GCN1: variants seen among roughly 807,000 people sequenced by gnomAD.
The protein encoded by GCN1 is stalled ribosome sensor GCN1.
In GCN1, 90 loss-of-function variants were observed where a neutral mutation model predicts 288.4. The ratio of observed to expected loss-of-function variants is 0.31; its 90% CI spans 0.26 to 0.37. The LOEUF is 0.37. Ranked by LOEUF, GCN1 falls within the 10% of genes least tolerant of loss-of-function variation. The pLI is 1.00. For synonymous variants in GCN1, 1,386 were observed against 1,420.2 expected (o/e 0.98, Z 0.54); for missense variants, 2,586 against 3,419.9 (o/e 0.76, Z 6.08).
At chr12:120,175,971 T>C in intron 10 of GCN1, 97 bp from the exon 11 acceptor site, 1 of 1,464,790 alleles carries the variant, frequency 6.8e-7, no homozygotes, top group Non-Finnish European at 9.4e-7. Flanking sequence ...CAGTATTAGC[T>C]GTTTGCTCTC....
In GCN1 at chr12:120,164,381, C is replaced by T. The variant is rs775681296; in HGVS notation, c.1803G>A (p.Ala601=). ...TCTTCAGCTCCTCCAAGAGTCCGTG[C>T]GCCAGCTTAAAGCCCCCAAGAGAGG... is the stretch of plus-strand genomic sequence containing the variant. The part of the protein sequence containing the change: ...LLSSLGGFKL[A]HGLLEELKTV... Residue 601 remains alanine (A), a synonymous_variant, in exon 18 of 58, where the codon GCG becomes GCA. Transcript: ENST00000300648. 1.1e-5 allele frequency: 18 copies of T among 1,614,068 alleles called. No individual in the cohort carries two copies. Among genetic ancestry groups the T allele is most frequent in the Middle Eastern group, 1.6e-4 (1 of 6,084 alleles).
intron 37 of GCN1, 107 bp downstream of exon 37, chr12:120,148,060 C>T: frequency 1.3e-6 from 1 of 757,624 alleles, no homozygotes; most frequent in Non-Finnish European, 2.2e-6. Flanking sequence ...ACATATTTGT[C>T]CTCGGAGGCA....
In GCN1 at chr12:120,137,169, G is replaced by T; in HGVS notation, c.6777+37C>A. 2 of 1,449,576 alleles carry T rather than the reference G, an allele frequency of 1.4e-6. No individual in the cohort carries two copies. The highest frequency in any genetic ancestry group is 1.9e-6 in the Non-Finnish European group (2 of 1,030,992). The allele number at this position is 1,449,576 out of a possible 1,614,324, so 89.8% of individuals were successfully genotyped here. A position where few individuals can be genotyped will look rare whatever the true frequency, so the allele number is the denominator to read the frequency against. On this transcript the variant is annotated intron_variant, in intron 50 of 57. Coordinates refer to ENST00000300648, the MANE Select transcript of GCN1 (RefSeq NM_006836.2). This position sits in a 1 kb window ranked among gnomAD's most constrained non-coding sequence, Gnocchi z 5.2. ...AAGGGCCAGAAGGGCACAACAGACT[G>T]CACGCCCACAGCCCCCTGCACGAGG...
chr12:120,164,578 C>A (rs1449927683), intron 17 of GCN1, 68 bp downstream of exon 17: 1 of 1,597,116 alleles, frequency 6.3e-7, no homozygotes, highest in Non-Finnish European at 8.6e-7. Context: ...GCCACACACC[C>A]TTTCTCGGGT....
chr12:120,144,810 C>CA lies in GCN1; in HGVS notation c.5180dup (p.Leu1727PhefsTer35). On this transcript the variant is annotated frameshift_variant, in exon 41 of 58. Coordinates refer to ENST00000300648, the MANE Select transcript of GCN1 (RefSeq NM_006836.2). LOFTEE classifies it high-confidence loss of function. The surrounding 1 kb of genome is among the most constrained non-coding windows in gnomAD (Gnocchi z 4.7). ...TCAACTTCTCCAACTTCTCCACCCC[C>CA]AAACCGGCCATGACCTCAGCCAACC... 1 of 1,614,204 alleles carries CA rather than the reference C, an allele frequency of 6.2e-7. No individual in the cohort carries two copies. The highest frequency in any genetic ancestry group is 8.5e-7 in the Non-Finnish European group (1 of 1,180,030).
chr12:120,129,697 G>A (rs1876751003), intron 56 of GCN1, among the ~76,000 whole-genome samples: 1 of 151,972 alleles, frequency 6.6e-6, no homozygotes, highest in South Asian at 2.1e-4. Flanking sequence ...CTCTCAGCCC[G>A]CATGCGTTTT....
rs373250541 is a variant in GCN1 at position 120,145,268 on chromosome 12, C to G, written c.5010G>C (p.Val1670=). ...CAGCCTACCTCAGACTCACCTCAGG[C>G]ACAGGGTCCAAAAGCGATGCTTTCA... ...PGLKASLLDP[V]PEVRTVSAKA... is the part of the protein sequence containing the mutation. Residue 1670 remains valine (V), a synonymous_variant, in exon 39 of 58, where the codon GTG becomes GTC. Coordinates refer to ENST00000300648, the MANE Select transcript of GCN1 (RefSeq NM_006836.2). The G allele has an allele frequency of 7.7e-5, 123 of 1,599,340 alleles. No individual in the cohort carries two copies. The highest frequency in any genetic ancestry group is 1.0e-4 in the Non-Finnish European group (117 of 1,172,724).
At chr12:120,183,548 T>C in intron 5 of GCN1, 21 bp downstream of exon 5, 1 of 1,431,920 alleles carries the variant, frequency 7.0e-7, no homozygotes, top group South Asian at 1.1e-5. Context: ...CCTTGCTACT[T>C]CAGAGACACA....
In GCN1 at chr12:120,155,032, G is replaced by A. The variant is rs559934077; in HGVS notation, c.3639C>T (p.Pro1213=). ...CTCGTCCCAAAGCATCCAGCACTGG[G>A]GGCGGCCGCTGCAACAGACAAGTTG... The part of the protein sequence containing the change: ...EIYQEKLYRP[P]PVLDALGRVI... Residue 1213 remains proline (P), a synonymous_variant, in exon 31 of 58, where the codon CCC becomes CCT. Coordinates refer to ENST00000300648, the MANE Select transcript of GCN1 (RefSeq NM_006836.2). This position sits in a 1 kb window ranked among gnomAD's most constrained non-coding sequence, Gnocchi z 4.9. 2.9e-4 allele frequency: 462 copies of A among 1,613,680 alleles called. No individual in the cohort carries two copies. The highest frequency in any genetic ancestry group is 4.8e-4 in the Admixed American group (29 of 60,038).
intron 7 of GCN1, among the ~76,000 whole-genome samples, chr12:120,178,168 C>G (rs1878537998): frequency 6.6e-6 from 1 of 152,348 alleles, no homozygotes; most frequent in African/African-American, 2.4e-5. Context: ...CTCTGACCCA[C>G]AGCCTAAATC....
At position 120,173,736 on chromosome 12, in the gene GCN1, C is replaced by T. The variant is rs760663446; in HGVS notation, c.1283G>A (p.Trp428Ter). ...TMEVPKKLTEWFKKAFSLKTS... is the reference protein window; with the variant it reads ...TMEVPKKLTE ...TTTAAGGCTGAAAGCTTTTTTGAAC[C>T]ATTCAGTGAGCTTCTTGGGCACTTC... The change falls in exon 14 of 58, where the codon TGG (tryptophan) becomes TAG (stop). Residue 428 changes from tryptophan to a stop codon, truncating the protein, a stop_gained. Transcript: ENST00000300648. LOFTEE classifies it high-confidence loss of function. 1 of 1,613,136 alleles carries T rather than the reference C, an allele frequency of 6.2e-7. No individual in the cohort carries two copies. Among genetic ancestry groups the T allele is most frequent in the Non-Finnish European group, 8.5e-7 (1 of 1,179,094 alleles).
At chr12:120,146,008 T>C (rs1877348388) in intron 38 of GCN1, among the ~76,000 whole-genome samples, 1 of 152,194 alleles carries the variant, frequency 6.6e-6, no homozygotes, top group East Asian at 1.9e-4. Flanking sequence ...GGTTCACGCC[T>C]ATAATTCCAG....
chr12:120,165,051 A>ATTTTT (rs60284535), intron 16 of GCN1, among the ~76,000 whole-genome samples: 6 of 142,122 alleles, frequency 4.2e-5, no homozygotes, highest in African/African-American at 1.6e-4. Flanking sequence ...ATATATATAT[A>ATTTTT]TTTTTTTTTT....
chr12:120,176,733 T>C (rs1878492219), intron 9 of GCN1, among the ~76,000 whole-genome samples: 1 of 152,216 alleles, frequency 6.6e-6, no homozygotes, highest in Non-Finnish European at 1.5e-5. Flanking sequence ...GGATATACTT[T>C]TGTGCATTCT....
chr12:120,155,050 A>T lies in GCN1; in HGVS notation c.3631-10T>A. On this transcript the variant is annotated splice_polypyrimidine_tract_variant and intron_variant, in intron 30 of 57. Coordinates refer to ENST00000300648, the MANE Select transcript of GCN1 (RefSeq NM_006836.2). The surrounding 1 kb of genome is among the most constrained non-coding windows in gnomAD (Gnocchi z 4.9). ...GCACTGGGGGCGGCCGCTGCAACAG[A>T]CAAGTTGGTAAATGCTTTGCAACGG... 1 of 1,612,378 alleles carries T rather than the reference A, an allele frequency of 6.2e-7. No individual in the cohort carries two copies. The highest frequency in any genetic ancestry group is 8.5e-7 in the Non-Finnish European group (1 of 1,178,374).
chr12:120,133,295 A>G (rs931701331), intron 53 of GCN1, among the ~76,000 whole-genome samples: 2 of 152,194 alleles, frequency 1.3e-5, no homozygotes, highest in Non-Finnish European at 1.5e-5. Context: ...AAATTAGACC[A>G]CAACAGAGGG....
intron 14 of GCN1, 21 bp from the exon 15 acceptor site, chr12:120,170,342 C>T: frequency 6.2e-7 from 1 of 1,611,926 alleles, no homozygotes; most frequent in Non-Finnish European, 8.5e-7. Flanking sequence ...AGGACAAGCA[C>T]CTTAAAGGAC....
At chr12:120,178,781 A>G (rs751911635) in intron 6 of GCN1, 22 bp from the exon 7 acceptor site, 4 of 1,614,208 alleles carry the variant, frequency 2.5e-6, no homozygotes, top group Non-Finnish European at 2.5e-6. Flanking sequence ...AGTGCCAGGC[A>G]GGTGTTTAAG....
At chr12:120,160,999 CAAG>C (rs1313627138) in intron 22 of GCN1, among the ~76,000 whole-genome samples, 4 of 152,168 alleles carry the variant, frequency 2.6e-5, no homozygotes, top group Admixed American at 2.0e-4. Context: ...ATGAGAAAGA[CAAG>C]AAGAATCCTG....
Sources: gnomAD v4.1 joint callset for allele counts (sites outside exome capture counted in the v4.1 genomes callset) on GRCh38, gnomAD v4.1.1 for gene constraint, Gnocchi (gnomAD v3.1) non-coding constraint, MANE v1.5 for transcripts, NCBI Gene and HGNC (gene_info 2026-07-23, HGNC 2026-07-21) for gene names.